The following PPM1D variants were observed in gnomAD, a reference collection of about 807,000 sequenced individuals.
PPM1D encodes protein phosphatase 1D.
Under a neutral mutation model 58.3 loss-of-function variants are expected in PPM1D, and 52 were observed. The ratio of observed to expected loss-of-function variants is 0.89; its 90% CI spans 0.71 to 1.12. The LOEUF (loss-of-function observed/expected upper bound fraction) is 1.12. Among genes scored for constraint, PPM1D ranks in the 50% most tolerant of loss-of-function variants. The pLI, the probability that PPM1D is intolerant of heterozygous loss-of-function variation, is 0.00. For synonymous variants in PPM1D, 278 were observed against 285.1 expected (o/e 0.98, Z 0.25); for missense variants, 564 against 777.2 (o/e 0.73, Z 3.26).
intron 3 of PPM1D, among the ~76,000 whole-genome samples, chr17:60,645,580 ATATG>A (rs1332610484): frequency 1.5e-5 from 2 of 131,640 alleles, no homozygotes; most frequent in African/African-American, 6.9e-5. Context: ...ATGTATATAT[ATATG>A]TGTGTATATA....
intron 3 of PPM1D, among the ~76,000 whole-genome samples, chr17:60,636,295 TC>T (rs1331252951): frequency 1.3e-5 from 2 of 152,232 alleles, no homozygotes; most frequent in Non-Finnish European, 2.9e-5. Context: ...AGCATATAGT[TC>T]CTACTTCTTC....
At chr17:60,620,955 C>T (rs2030688982) in intron 1 of PPM1D, among the ~76,000 whole-genome samples, 1 of 151,870 alleles carries the variant, frequency 6.6e-6, no homozygotes, top group Non-Finnish European at 1.5e-5. Flanking sequence ...CAGATTCTCG[C>T]TCTGTTGCCC....
chr17:60,641,034 T>C (rs1160016292), intron 3 of PPM1D, among the ~76,000 whole-genome samples: 1 of 152,170 alleles, frequency 6.6e-6, no homozygotes, highest in Non-Finnish European at 1.5e-5. Context: ...TCCTTGTCTT[T>C]GCTATTGTGA....
At position 60,633,791 on chromosome 17, in the gene PPM1D, G is replaced by T; in HGVS notation, c.702-62G>T. On this transcript the variant is annotated intron_variant, in intron 2 of 5. Transcript: ENST00000305921. ...TATTTTATTAGTGATTTAATATACT[G>T]AGCTATCTTAGTTGTTGTATTTTAA... is the stretch of plus-strand genomic sequence containing the variant. 3 of 1,408,638 alleles carry T rather than the reference G, an allele frequency of 2.1e-6. No homozygotes were observed. The South Asian group carries it at 3.8e-5, about 18-fold the overall frequency. 87.3% of individuals were successfully genotyped at this position (1,408,638 alleles called of 1,614,324 possible).
At chr17:60,643,794 T>C (rs1225515108) in intron 3 of PPM1D, among the ~76,000 whole-genome samples, 1 of 151,884 alleles carries the variant, frequency 6.6e-6, no homozygotes, top group Non-Finnish European at 1.5e-5. Flanking sequence ...GTTTACCCGT[T>C]CATGAACCCC....
chr17:60,626,554 C>T (rs1322048576), intron 2 of PPM1D, among the ~76,000 whole-genome samples: 1 of 151,884 alleles, frequency 6.6e-6, no homozygotes, highest in Non-Finnish European at 1.5e-5. Flanking sequence ...GCCACCACGC[C>T]CGGCTAATTT....
chr17:60,621,070 A>G (rs1279054808), intron 1 of PPM1D, among the ~76,000 whole-genome samples: 2 of 151,858 alleles, frequency 1.3e-5, no homozygotes, highest in African/African-American at 2.4e-5. Context: ...TTACAGGCGC[A>G]CACCACCACA....
chr17:60,630,673 A>G (rs550214291), intron 2 of PPM1D, among the ~76,000 whole-genome samples: 35 of 152,316 alleles, frequency 2.3e-4, no homozygotes, highest in East Asian at 3.9e-4. Flanking sequence ...TGAAACTTCT[A>G]TGTTTTAACC....
At chr17:60,605,656 A>T (rs1045962814) in intron 1 of PPM1D, among the ~76,000 whole-genome samples, 2 of 152,230 alleles carry the variant, frequency 1.3e-5, no homozygotes, top group Admixed American at 6.5e-5. Context: ...TAATCCCAGC[A>T]ATTTGGGAGG....
At chr17:60,652,397 T>C (rs1018906727) in intron 4 of PPM1D, among the ~76,000 whole-genome samples, 1 of 152,136 alleles carries the variant, frequency 6.6e-6, no homozygotes, top group Non-Finnish European at 1.5e-5. Flanking sequence ...ATGTATTAAA[T>C]GGAATTGACG....
At chr17:60,659,241 C>G (rs1252426665) in intron 5 of PPM1D, among the ~76,000 whole-genome samples, 2 of 152,116 alleles carry the variant, frequency 1.3e-5, no homozygotes, top group African/African-American at 4.8e-5. Flanking sequence ...TAATTTACAT[C>G]ATTATTAAAG....
At chr17:60,629,139 G>A (rs191107450) in intron 2 of PPM1D, among the ~76,000 whole-genome samples, 18 of 152,198 alleles carry the variant, frequency 1.2e-4, no homozygotes, top group African/African-American at 3.9e-4. Flanking sequence ...TTGTAAGACA[G>A]CATTGCTTAT....
At chr17:60,620,148 G>C (rs1056974651) in intron 1 of PPM1D, among the ~76,000 whole-genome samples, 15 of 151,996 alleles carry the variant, frequency 9.9e-5, no homozygotes, top group African/African-American at 3.6e-4. Context: ...ACAGGCGCCT[G>C]CCACCATGCC....
In PPM1D at chr17:60,665,288, G is replaced by C. The variant is rs1257266116; in HGVS notation, c.*1736G>C. ...CCGGCCTGAGTTTTATGCTTTCAAT[G>C]TATTTCTTACATTTCAGTTCAAGTG... On this transcript the variant is annotated 3_prime_UTR_variant, in exon 6 of 6. Transcript: ENST00000305921. 1 of 151,866 alleles carries C rather than the reference G, an allele frequency of 6.6e-6. No homozygotes were observed. The highest frequency in any genetic ancestry group is 1.5e-5 in the Non-Finnish European group (1 of 67,974). 9.4% of individuals were successfully genotyped at this position (151,866 alleles called of 1,614,324 possible).
chr17:60,662,900 C>A, intron 5 of PPM1D, 95 bp from the exon 6 acceptor site: 1 of 1,221,632 alleles, frequency 8.2e-7, no homozygotes, highest in Non-Finnish European at 1.2e-6. Flanking sequence ...TTTTGCCATC[C>A]TACTAGCTTC....
In PPM1D at chr17:60,600,791, A is replaced by T; in HGVS notation, c.377A>T (p.Lys126Met). ...GAGCACTTGTGGGGTTTCATCAAGA[A>T]GCAGAAGGGTTTCACCTCGTCCGAG... is the stretch of plus-strand genomic sequence containing the variant. ...AREHLWGFIKKQKGFTSSEPA... is the reference protein window; with the variant it reads ...AREHLWGFIKMQKGFTSSEPA... The change falls in exon 1 of 6, where the codon AAG becomes ATG. Residue 126 changes from lysine (K) to methionine (M), a missense_variant. Physicochemically the swap from Lys to Met is moderately conservative, Grantham distance 95. Around this residue, in one of 7 missense-constraint regions of PPM1D, gnomAD observed 23 missense variants for 28.9 expected, o/e 0.80. Coordinates refer to ENST00000305921, the MANE Select transcript of PPM1D (RefSeq NM_003620.4). 1 of 1,612,962 alleles carries T rather than the reference A, an allele frequency of 6.2e-7. No individual in the cohort carries two copies. The highest frequency in any genetic ancestry group is 8.5e-7 in the Non-Finnish European group (1 of 1,180,004).
At position 60,634,040 on chromosome 17, in the gene PPM1D, A is replaced by G. The variant is rs2030977172; in HGVS notation, c.826+63A>G. ...TTCTACAATATATGGTGGCAAAATA[A>G]AAGAGGAGACAGAACTAAACCCTTA... is the stretch of plus-strand genomic sequence containing the variant. On this transcript the variant is annotated intron_variant, in intron 3 of 5. Coordinates refer to ENST00000305921, the MANE Select transcript of PPM1D (RefSeq NM_003620.4). 2.6e-6 allele frequency: 4 copies of G among 1,560,618 alleles called. No homozygotes were observed. The East Asian group carries it at 9.1e-5, about 35-fold the overall frequency.
intron 1 of PPM1D, among the ~76,000 whole-genome samples, chr17:60,618,781 C>CT (rs1267254686): frequency 1.3e-5 from 2 of 151,786 alleles, no homozygotes; most frequent in African/African-American, 4.8e-5. Context: ...TTTTTAGTTG[C>CT]TTTTAAAAAA....
At chr17:60,614,757 C>T (rs549252322) in intron 1 of PPM1D, among the ~76,000 whole-genome samples, 41 of 152,074 alleles carry the variant, frequency 2.7e-4, no homozygotes, top group Non-Finnish European at 5.4e-4. Context: ...ACTCCAGACG[C>T]GCAGCATTAA....
Sources: allele counts gnomAD v4.1 joint callset (sites outside exome capture counted in the v4.1 genomes callset), GRCh38; gene constraint gnomAD v4.1.1; regional missense constraint gnomAD v4.1.1; transcripts MANE v1.5; gene names NCBI Gene and HGNC (gene_info 2026-07-23, HGNC 2026-07-21).